The following PRKG1 variants were observed in gnomAD, a reference collection of about 807,000 sequenced individuals.
The protein encoded by PRKG1 is cGMP-dependent protein kinase 1.
PRKG1 carries 35 observed loss-of-function variants against 88.1 expected under a neutral mutation model. That is an observed-to-expected ratio of 0.40 (90% CI 0.30 to 0.53). PRKG1 has a LOEUF of 0.53. PRKG1 is among the 20% of genes least tolerant of loss of function. The pLI, the probability that PRKG1 is intolerant of heterozygous loss-of-function variation, is 0.59. For synonymous variants in PRKG1, 303 were observed against 292.5 expected (o/e 1.04, Z -0.37); for missense variants, 540 against 839.8 (o/e 0.64, Z 4.41).
chr10:51,464,529 A>G (rs780823357), intron 2 of PRKG1, among the ~76,000 whole-genome samples: 49 of 152,150 alleles, frequency 3.2e-4, no homozygotes, highest in Non-Finnish European at 6.0e-4. Context: ...TAATTTATAT[A>G]CATATATGTA....
At chr10:51,431,681 G>A (rs533753405) in intron 2 of PRKG1, among the ~76,000 whole-genome samples, 3 of 152,232 alleles carry the variant, frequency 2.0e-5, no homozygotes, top group African/African-American at 7.2e-5. Flanking sequence ...AGTGCAACAA[G>A]AATACAGAAA....
chr10:51,361,305 C>A (rs1390806136), intron 2 of PRKG1, among the ~76,000 whole-genome samples: 1 of 151,860 alleles, frequency 6.6e-6, no homozygotes, highest in Non-Finnish European at 1.5e-5. Context: ...TCTCATTAAA[C>A]CTTGTTTAAC....
At chr10:52,019,457 G>C (rs190218877) in intron 5 of PRKG1, among the ~76,000 whole-genome samples, 41 of 152,286 alleles carry the variant, frequency 2.7e-4, no homozygotes, top group African/African-American at 9.4e-4. Context: ...ACATCTCAAA[G>C]GGGTAGAGAA....
chr10:51,943,064 A>G (rs1842946013), intron 5 of PRKG1, among the ~76,000 whole-genome samples: 1 of 151,996 alleles, frequency 6.6e-6, no homozygotes, highest in African/African-American at 2.4e-5. Flanking sequence ...TTTTCACGAT[A>G]ATGATTCTTC....
At chr10:51,573,810 C>T (rs989413229) in intron 3 of PRKG1, among the ~76,000 whole-genome samples, 1 of 151,770 alleles carries the variant, frequency 6.6e-6, no homozygotes, top group African/African-American at 2.4e-5. Flanking sequence ...AAAATGAGCA[C>T]CCGTGCCAGT....
intron 1 of PRKG1, among the ~76,000 whole-genome samples, chr10:51,088,002 C>T (rs1004878014): frequency 1.3e-5 from 2 of 152,258 alleles, no homozygotes; most frequent in South Asian, 2.1e-4. Context: ...TGAGCTCAAA[C>T]GATCCACCAG....
intron 1 of PRKG1, among the ~76,000 whole-genome samples, chr10:51,075,684 G>T (rs1213720898): frequency 6.6e-6 from 1 of 152,174 alleles, no homozygotes. Context: ...TATTTAAAAC[G>T]TGGACCCATT....
At chr10:52,044,058 G>T (rs180930910) in intron 5 of PRKG1, among the ~76,000 whole-genome samples, 1 of 152,030 alleles carries the variant, frequency 6.6e-6, no homozygotes, top group African/African-American at 2.4e-5. Context: ...AACTCTGAAG[G>T]TGTTCAAGAG....
intron 2 of PRKG1, among the ~76,000 whole-genome samples, chr10:51,299,989 C>G (rs1476577641): frequency 6.6e-6 from 1 of 152,166 alleles, no homozygotes. Context: ...CACCTACCAT[C>G]TGGAATTATA....
At chr10:51,218,326 C>T (rs1045478288) in intron 2 of PRKG1, among the ~76,000 whole-genome samples, 2 of 151,558 alleles carry the variant, frequency 1.3e-5, no homozygotes, top group African/African-American at 4.8e-5. Flanking sequence ...TGTGTGGCTT[C>T]CTTATTCCCA....
Position 51,148,378 on chromosome 10 carries a change from A to T in PRKG1, c.312-4786A>T, listed in dbSNP as rs558128108. ...TGGTTAAAAATTTTTATTATAGAAGATTTGTGCTACATTTTCAGATTGCTT... is the reference window on the plus strand; with the variant it reads ...TGGTTAAAAATTTTTATTATAGAAGTTTTGTGCTACATTTTCAGATTGCTT... On this transcript the variant is annotated intron_variant, in intron 1 of 17. Transcript: ENST00000373980. 1.5e-4 allele frequency: 72 copies of T among 484,350 alleles called. No individual in the cohort carries two copies. In the African/African-American group the frequency reaches 1.5e-3, roughly 10 times the overall value. 30.0% of individuals were successfully genotyped at this position (484,350 alleles called of 1,614,324 possible).
At chr10:51,873,719 G>A (rs1017854046) in intron 4 of PRKG1, among the ~76,000 whole-genome samples, 12 of 151,910 alleles carry the variant, frequency 7.9e-5, no homozygotes, top group African/African-American at 2.7e-4. Context: ...AGTAGAGAAC[G>A]GGTTTCGCCA....
At chr10:51,518,131 G>A (rs1445828943) in intron 3 of PRKG1, among the ~76,000 whole-genome samples, 2 of 152,140 alleles carry the variant, frequency 1.3e-5, no homozygotes, top group African/African-American at 4.8e-5. Context: ...CCGAGTAGCT[G>A]GGATTACAGG....
At chr10:51,659,704 A>G (rs1314955193) in intron 3 of PRKG1, among the ~76,000 whole-genome samples, 1 of 152,084 alleles carries the variant, frequency 6.6e-6, no homozygotes, top group African/African-American at 2.4e-5. Flanking sequence ...CCAATTTGGA[A>G]TGTCCTATTT....
chr10:52,034,361 T>A (rs1589540715), intron 5 of PRKG1, among the ~76,000 whole-genome samples: 1 of 118,314 alleles, frequency 8.5e-6, no homozygotes, highest in African/African-American at 3.1e-5. Context: ...GAACCTAGAG[T>A]GGGAGAGATT....
In PRKG1 at chr10:52,244,822, T is replaced by C. The variant is rs368550102; in HGVS notation, c.1077-6748T>C. Among the ~76,000 whole-genome samples, 13 of 81,180 alleles carry C rather than the reference T, an allele frequency of 1.6e-4. No individual in the cohort carries two copies. The East Asian group carries it at 2.6e-3, about 16-fold the overall frequency. The allele number at this position is 81,180 out of a possible 152,430, so 53.3% of individuals were successfully genotyped here. ...TATATTTAGATATATTTAAATATAT[T>C]TAAATATACTTTAATATATATTTAA... On this transcript the variant is annotated intron_variant, in intron 9 of 17. Transcript: ENST00000373980.
rs144879038 is a variant in PRKG1, at chr10:51,257,269, C to T, written c.478+103939C>T. 3.7e-3 allele frequency among the ~76,000 whole-genome samples: 557 copies of T among 151,358 alleles called. 13 individuals carry two copies. The highest frequency in any genetic ancestry group is 0.032 in the Admixed American group (485 of 15,172). ...GAGATGCCCATCAGACAGCTGGAGA[C>T]GTGCAAATGCATTTTAAGTTTAGCA... On this transcript the variant is annotated intron_variant, in intron 2 of 17. Transcript: ENST00000373980.
At chr10:51,670,186 A>T (rs1840522549) in intron 3 of PRKG1, among the ~76,000 whole-genome samples, 1 of 152,102 alleles carries the variant, frequency 6.6e-6, no homozygotes, top group African/African-American at 2.4e-5. Flanking sequence ...TAACATATCT[A>T]TATATTACTT....
chr10:51,371,380 T>G (rs1160630038), intron 2 of PRKG1, among the ~76,000 whole-genome samples: 1 of 149,758 alleles, frequency 6.7e-6, no homozygotes, highest in Non-Finnish European at 1.5e-5. Flanking sequence ...TTTAAAAAAA[T>G]AAAAGAAAAA....
Sources: allele counts gnomAD v4.1 joint callset (sites outside exome capture counted in the v4.1 genomes callset), GRCh38; gene constraint gnomAD v4.1.1; transcripts MANE v1.5; gene names NCBI Gene and HGNC (gene_info 2026-07-23, HGNC 2026-07-21).